ADAMTSL2: variants seen among roughly 807,000 people sequenced by gnomAD.
The protein encoded by ADAMTSL2 is ADAMTS-like protein 2.
A neutral mutation model predicts 117.0 loss-of-function variants in ADAMTSL2; 55 were observed. The ratio of observed to expected loss-of-function variants is 0.47; its 90% CI spans 0.38 to 0.59. The LOEUF is 0.59. Among genes scored for constraint, ADAMTSL2 ranks in the 20% least tolerant of loss-of-function variants. The pLI is 0.00. For synonymous variants in ADAMTSL2, 572 were observed against 566.4 expected (o/e 1.01, Z -0.14); for missense variants, 1,182 against 1,354.5 (o/e 0.87, Z 2.00).
chr9:133,574,617 A>C (rs1378380740), intron 18 of ADAMTSL2, 129 bp from the exon 19 acceptor site: 1 of 797,186 alleles, frequency 1.3e-6, no homozygotes, highest in African/African-American at 1.7e-5. Flanking sequence ...GCAGAGAGCT[A>C]GAGATGGAGA....
At position 133,540,975 on chromosome 9, in the gene ADAMTSL2, A is replaced by G; in HGVS notation, c.656A>G (p.Asn219Ser). ...DGSSCTHVTGNYRKGNAHLGY... is the reference protein window; with the variant it reads ...DGSSCTHVTGSYRKGNAHLGY... ...AGCAGCTGCACCCACGTGACGGGCA[A>G]CTATCGCAAGGGGAATGCCCACCTT... The change falls in exon 7 of 19, where the codon AAC becomes AGC. Residue 219 changes from asparagine to serine, a missense_variant. Physicochemically the swap from Asn to Ser is conservative, Grantham distance 46. This residue lies in a region of ADAMTSL2 where 372 missense variants were observed against 463.4 expected (regional missense o/e 0.80). Coordinates refer to ENST00000651351, the MANE Select transcript of ADAMTSL2 (RefSeq NM_014694.4). 1.9e-6 allele frequency: 3 copies of G among 1,613,448 alleles called. No individual in the cohort carries two copies. The highest frequency in any genetic ancestry group is 2.5e-6 in the Non-Finnish European group (3 of 1,180,018).
At chr9:133,561,114 G>C in intron 11 of ADAMTSL2, 84 bp from the exon 12 acceptor site, 1 of 1,231,024 alleles carries the variant, frequency 8.1e-7, no homozygotes, top group Non-Finnish European at 1.2e-6. Context: ...ACCCTCCGAA[G>C]AAAACTCCCT....
chr9:133,539,604 G>A (rs1247530359), intron 4 of ADAMTSL2, among the ~76,000 whole-genome samples, 167 bp from the exon 5 acceptor site: 2 of 58,448 alleles, frequency 3.4e-5, no homozygotes, highest in Non-Finnish European at 7.6e-5. Flanking sequence ...GAGAGCGCAT[G>A]GGAGCGCGCA....
At chr9:133,574,365 G>A (rs1053800954) in intron 18 of ADAMTSL2, among the ~76,000 whole-genome samples, 60 of 152,328 alleles carry the variant, frequency 3.9e-4, no homozygotes, top group African/African-American at 1.4e-3. Context: ...AGCAGCTGAA[G>A]CAGGGCCTGG....
intron 8 of ADAMTSL2, among the ~76,000 whole-genome samples, chr9:133,545,780 T>G (rs1476326797): frequency 1.3e-5 from 2 of 152,192 alleles, no homozygotes; most frequent in Non-Finnish European, 2.9e-5. Flanking sequence ...AGGTCATTAC[T>G]GTCAGGAAAC....
chr9:133,555,977 G>A, intron 11 of ADAMTSL2, 47 bp downstream of exon 11: 7 of 1,596,716 alleles, frequency 4.4e-6, no homozygotes, highest in Non-Finnish European at 5.9e-6. Context: ...CAGGGGGCAG[G>A]ATGGGGCCGA....
chr9:133,574,676 G>A (rs1311777714), intron 18 of ADAMTSL2, 70 bp from the exon 19 acceptor site: 44 of 1,359,992 alleles, frequency 3.2e-5, no homozygotes, highest in Admixed American at 8.4e-5. Context: ...GGCACGTGGG[G>A]GTCCCTGGGG....
At chr9:133,563,884 A>G (rs1588302213) in intron 12 of ADAMTSL2, among the ~76,000 whole-genome samples, 11 of 43,364 alleles carry the variant, frequency 2.5e-4, no homozygotes, top group African/African-American at 5.2e-4. Flanking sequence ...AGAGAGAGAG[A>G]GGGAGAGAGA....
intron 12 of ADAMTSL2, among the ~76,000 whole-genome samples, chr9:133,563,840 A>C (rs144667575): frequency 2.8e-5 from 1 of 35,096 alleles, no homozygotes. Flanking sequence ...AGAGAGAGAG[A>C]GAGGGAGAGA....
At chr9:133,563,861 GAGGGA>G (rs1830818699) in intron 12 of ADAMTSL2, among the ~76,000 whole-genome samples, 2 of 69,328 alleles carry the variant, frequency 2.9e-5, no homozygotes, top group Admixed American at 1.3e-4. Flanking sequence ...GAGAGAGAGA[GAGGGA>G]GAGAGAGAGA....
chr9:133,548,459 G>A (rs9722003), intron 9 of ADAMTSL2, among the ~76,000 whole-genome samples: 17,097 of 152,120 alleles, frequency 0.11, 1,200 homozygotes, highest in Non-Finnish European at 0.14. Flanking sequence ...GGGCTGTTTT[G>A]TAGGTCAGGG....
chr9:133,535,265 T>C (rs1335489154), intron 1 of ADAMTSL2, among the ~76,000 whole-genome samples: 2 of 151,980 alleles, frequency 1.3e-5, no homozygotes. Context: ...CTGGCACCTG[T>C]CTTCAGCCGG....
At chr9:133,548,389 T>A (rs991948963) in intron 9 of ADAMTSL2, among the ~76,000 whole-genome samples, 3 of 152,196 alleles carry the variant, frequency 2.0e-5, no homozygotes, top group Non-Finnish European at 4.4e-5. Flanking sequence ...GCTTACCTGG[T>A]CCTGCCTGGA....
At position 133,555,795 on chromosome 9, in the gene ADAMTSL2, C is replaced by A; in HGVS notation, c.1514C>A (p.Ala505Asp). ...FFVDYEENEG[A>D]GPYLLNGSYL... ...GTGGATTATGAGGAGAACGAGGGGG[C>A]TGGCCCTTACCTGCTCAACGGGTCC... The change falls in exon 11 of 19, where the codon GCT becomes GAT. Residue 505 changes from alanine to aspartate, a missense_variant. Ala to Asp is a moderately radical substitution (Grantham distance 126). Transcript: ENST00000651351. 6.2e-7 allele frequency: 1 copy of A among 1,613,978 alleles called. No individual in the cohort carries two copies. The highest frequency in any genetic ancestry group is 8.5e-7 in the Non-Finnish European group (1 of 1,180,034).
chr9:133,562,262 G>T (rs1305649697), intron 12 of ADAMTSL2, among the ~76,000 whole-genome samples: 2 of 152,242 alleles, frequency 1.3e-5, no homozygotes, highest in Non-Finnish European at 2.9e-5. Context: ...GAGGGGCTGG[G>T]GCGGCCCTGC....
rs1830662435 is a variant in ADAMTSL2, at chr9:133,558,708, C to T, written c.1650-2490C>T. 6.6e-6 allele frequency among the ~76,000 whole-genome samples: 1 copy of T among 152,222 alleles called. No homozygotes were observed. ...CTCCACAGCCGTCACCAGCCCCAGT[C>T]TAGCAGCTCTGACTTTCACAGCTGA... is the stretch of plus-strand genomic sequence containing the variant. On this transcript the variant is annotated intron_variant, in intron 11 of 18. Transcript: ENST00000651351. This position sits in a 1 kb window ranked among gnomAD's most constrained non-coding sequence, Gnocchi z 4.3.
intron 12 of ADAMTSL2, among the ~76,000 whole-genome samples, chr9:133,564,597 G>GGAGA (rs1322212903): frequency 0.065 from 1,705 of 26,084 alleles, 105 homozygotes; most frequent in South Asian, 0.15. Flanking sequence ...AGAGAGAGGG[G>GGAGA]GAGAGAGAGG....
chr9:133,542,989 C>T (rs1830261153), intron 7 of ADAMTSL2, among the ~76,000 whole-genome samples: 1 of 151,618 alleles, frequency 6.6e-6, no homozygotes, highest in Non-Finnish European at 1.5e-5. Flanking sequence ...GTTCTTGTTG[C>T]CCAGGCTGGA....
chr9:133,557,344 T>G lies in ADAMTSL2; in HGVS notation c.1649+1414T>G, dbSNP rs1830625127. ...TTCTGGCAGGCTCTGGGCGGAATCC[T>G]ACTTTGCAGATGTGGACAGAGTGGG... On this transcript the variant is annotated intron_variant, in intron 11 of 18. Coordinates refer to ENST00000651351, the MANE Select transcript of ADAMTSL2 (RefSeq NM_014694.4). This position sits in a 1 kb window ranked among gnomAD's most constrained non-coding sequence, Gnocchi z 5.2. Among the ~76,000 whole-genome samples the G allele has an allele frequency of 8.5e-5, 13 of 152,196 alleles. No individual in the cohort carries two copies.
Sources: gnomAD v4.1 joint callset for allele counts (sites outside exome capture counted in the v4.1 genomes callset) on GRCh38, gnomAD v4.1.1 for gene constraint, gnomAD v4.1.1 regional missense constraint, Gnocchi (gnomAD v3.1) non-coding constraint, MANE v1.5 for transcripts, NCBI Gene and HGNC (gene_info 2026-07-23, HGNC 2026-07-21) for gene names.